Variants in SYNJ2 observed in about 807,000 individuals in gnomAD.
SYNJ2 encodes the protein synaptojanin 2.
Under a neutral mutation model 141.3 loss-of-function variants are expected in SYNJ2, and 116 were observed. The ratio of observed to expected loss-of-function variants is 0.82; its 90% CI spans 0.71 to 0.96. The LOEUF (loss-of-function observed/expected upper bound fraction) is 0.96, where lower values mean the gene tolerates loss of function less well. Ranked by LOEUF, SYNJ2 falls within the 40% of genes least tolerant of loss-of-function variation. The pLI is 0.00. For missense variants in SYNJ2, 1,873 were observed against 1,934.8 expected (o/e 0.97, Z 0.60); for synonymous variants, 745 against 777.7 (o/e 0.96, Z 0.70).
At chr6:158,090,639 G>A (rs917170676) in intron 25 of SYNJ2, among the ~76,000 whole-genome samples, 6 of 145,956 alleles carry the variant, frequency 4.1e-5, no homozygotes, top group African/African-American at 1.5e-4. Flanking sequence ...CCGCCTCCCA[G>A]GTTCGAGCAA....
intron 5 of SYNJ2, among the ~76,000 whole-genome samples, chr6:158,044,741 C>G (rs1179402263): frequency 6.6e-6 from 1 of 152,184 alleles, no homozygotes; most frequent in Non-Finnish European, 1.5e-5. Context: ...AACTTTGTCC[C>G]CGTTAGTGGT....
intron 25 of SYNJ2, among the ~76,000 whole-genome samples, chr6:158,090,555 T>TTG (rs1783379028): frequency 6.7e-6 from 1 of 149,118 alleles, no homozygotes; most frequent in Non-Finnish European, 1.5e-5. Context: ...TTTTTTTTTT[T>TTG]TTTTTTTGAG....
rs1362874096 is a variant in SYNJ2 at position 158,083,340 on chromosome 6, G to T, written c.2866-89G>T. ...AATGTGAAGATTGGCCTCGTTGAGG[G>T]TGTGTGGGTTTTGGTGAGAAGCATT... On this transcript the variant is annotated intron_variant, in intron 20 of 26. Coordinates refer to ENST00000355585, the MANE Select transcript of SYNJ2 (RefSeq NM_003898.4). 4 of 1,476,540 alleles carry T rather than the reference G, an allele frequency of 2.7e-6. No homozygotes were observed. In the East Asian group the frequency reaches 9.2e-5, roughly 34 times the overall value. The allele number at this position is 1,476,540 out of a possible 1,614,324, so 91.5% of individuals were successfully genotyped here.
At chr6:158,041,978 G>C (rs938040463) in intron 4 of SYNJ2, among the ~76,000 whole-genome samples, 22 of 152,380 alleles carry the variant, frequency 1.4e-4, no homozygotes, top group African/African-American at 5.0e-4. Context: ...GCCTCCCAAA[G>C]TGGTGGGACC....
chr6:158,039,567 G>A (rs1443090283), intron 4 of SYNJ2, among the ~76,000 whole-genome samples: 2 of 152,246 alleles, frequency 1.3e-5, no homozygotes, highest in East Asian at 3.8e-4. Context: ...CTGAGGGCCT[G>A]GGTTGGGACG....
chr6:158,024,078 AT>A (rs1409229450), intron 2 of SYNJ2, among the ~76,000 whole-genome samples: 2 of 152,212 alleles, frequency 1.3e-5, no homozygotes, highest in Non-Finnish European at 2.9e-5. Flanking sequence ...ATAAATATTT[AT>A]TCATCTCATT....
intron 6 of SYNJ2, among the ~76,000 whole-genome samples, chr6:158,055,794 C>T (rs1780834040): frequency 6.6e-6 from 1 of 152,166 alleles, no homozygotes; most frequent in Non-Finnish European, 1.5e-5. Flanking sequence ...TTAAACATAA[C>T]ACTTGTCATA....
intron 1 of SYNJ2, among the ~76,000 whole-genome samples, chr6:158,005,673 G>A (rs917033283): frequency 4.6e-5 from 7 of 151,960 alleles, no homozygotes; most frequent in Non-Finnish European, 1.0e-4. Flanking sequence ...AGCCAAGGTG[G>A]GCCTTTCACT....
At chr6:158,088,237 T>C (rs1783208907) in intron 23 of SYNJ2, among the ~76,000 whole-genome samples, 1 of 151,798 alleles carries the variant, frequency 6.6e-6, no homozygotes, top group South Asian at 2.1e-4. Context: ...TTTTTATTCA[T>C]TTATTTATTT....
intron 7 of SYNJ2, among the ~76,000 whole-genome samples, chr6:158,060,552 T>G (rs973298887): frequency 6.6e-6 from 1 of 152,202 alleles, no homozygotes; most frequent in African/African-American, 2.4e-5. Context: ...AAATGCCACA[T>G]GCTCATGCTC....
rs150369649 is a variant in SYNJ2, at chr6:158,081,496, G to A, written c.2851G>A (p.Val951Met). The change falls in exon 20 of 27, where the codon GTG (valine) becomes ATG (methionine). Residue 951 changes from valine (V) to methionine (M), a missense_variant. Coordinates refer to ENST00000355585, the MANE Select transcript of SYNJ2 (RefSeq NM_003898.4). ...TCACTCGGCTCTCAGTGTCCTGGAC[G>A]TGGACGGTATGAAGGTACGCTGTAC... is the stretch of plus-strand genomic sequence containing the variant. The part of the protein sequence containing the change: ...DSHSALSVLD[V>M]DGMKVKGRAV... 627 of 1,613,776 alleles carry A rather than the reference G, an allele frequency of 3.9e-4. 1 individual carries two copies. Among genetic ancestry groups the A allele is most frequent in the Non-Finnish European group, 4.8e-4 (569 of 1,179,988 alleles).
In SYNJ2 at chr6:158,078,193, C is replaced by A. The variant is rs1782441591; in HGVS notation, c.2479C>A (p.Leu827Ile). ...AGELNLLDSD[L>I]DVDTKVRHTW... ...AGAACTCAACCTTCTAGACAGTGAT[C>A]TAGATGTTGACACCAAAGTCAGACA... Residue 827 changes from leucine (L) to isoleucine (I), a missense_variant, in exon 18 of 27, where the codon CTA becomes ATA. Coordinates refer to ENST00000355585, the MANE Select transcript of SYNJ2 (RefSeq NM_003898.4). 1.2e-6 allele frequency: 2 copies of A among 1,613,814 alleles called. No individual in the cohort carries two copies. Among genetic ancestry groups the A allele is most frequent in the African/African-American group, 1.3e-5 (1 of 75,034 alleles).
chr6:158,084,537 G>A lies in SYNJ2; in HGVS notation c.3208+363G>A, dbSNP rs1252491371. ...TCTTCTGATTCAGCCAGGCGCAGTG[G>A]CTCACACCTGTAATCCCAGCACTTT... On this transcript the variant is annotated intron_variant, in intron 22 of 26. Coordinates refer to ENST00000355585, the MANE Select transcript of SYNJ2 (RefSeq NM_003898.4). The surrounding 1 kb of genome is among the most constrained non-coding windows in gnomAD (Gnocchi z 5.0). Among the ~76,000 whole-genome samples, 1 of 152,120 alleles carries A rather than the reference G, an allele frequency of 6.6e-6. No individual in the cohort carries two copies. Among genetic ancestry groups the A allele is most frequent in the Non-Finnish European group, 1.5e-5 (1 of 68,028 alleles).
At chr6:158,034,364 G>A (rs1432713268) in intron 4 of SYNJ2, among the ~76,000 whole-genome samples, 8 of 152,250 alleles carry the variant, frequency 5.3e-5, no homozygotes, top group African/African-American at 1.9e-4. Flanking sequence ...GCACATGTAT[G>A]GTACTCCTGC....
At chr6:158,019,859 C>A (rs1465358533) in intron 2 of SYNJ2, among the ~76,000 whole-genome samples, 5 of 152,232 alleles carry the variant, frequency 3.3e-5, no homozygotes, top group Non-Finnish European at 7.3e-5. Context: ...AAGGATTGGG[C>A]TTTAAATCAA....
intron 8 of SYNJ2, 28 bp downstream of exon 8, chr6:158,062,192 T>A (rs1249007736): frequency 6.2e-7 from 1 of 1,602,836 alleles, no homozygotes; most frequent in Admixed American, 1.7e-5. Context: ...CTGTGCCGCG[T>A]CTTCTGCTGG....
At chr6:158,045,898 C>T (rs998310305) in intron 5 of SYNJ2, among the ~76,000 whole-genome samples, 1 of 152,148 alleles carries the variant, frequency 6.6e-6, no homozygotes, top group African/African-American at 2.4e-5. Flanking sequence ...AAATTCCTAA[C>T]ATTTGTGCTG....
intron 7 of SYNJ2, among the ~76,000 whole-genome samples, chr6:158,059,715 T>C (rs756340939): frequency 7.9e-5 from 12 of 152,044 alleles, no homozygotes; most frequent in Non-Finnish European, 1.8e-4. Context: ...CCACCACGCC[T>C]GGCTAATTTT....
At chr6:158,004,928 G>A (rs1418551554) in intron 1 of SYNJ2, among the ~76,000 whole-genome samples, 2 of 151,738 alleles carry the variant, frequency 1.3e-5, no homozygotes, top group East Asian at 3.9e-4. Context: ...GAGGACCTTC[G>A]CCCCCTCTCC....
Sources: gnomAD v4.1 joint callset for allele counts (sites outside exome capture counted in the v4.1 genomes callset) on GRCh38, gnomAD v4.1.1 for gene constraint, Gnocchi (gnomAD v3.1) non-coding constraint, MANE v1.5 for transcripts, NCBI Gene and HGNC (gene_info 2026-07-23, HGNC 2026-07-21) for gene names.